The following CSMD1 variants were observed in gnomAD, a reference collection of about 807,000 sequenced individuals.
CSMD1 encodes CUB and sushi domain-containing protein 1.
In CSMD1, 213 loss-of-function variants were observed where a neutral mutation model predicts 417.5. That is an observed-to-expected ratio of 0.51 (90% CI 0.46 to 0.57). CSMD1 has a LOEUF of 0.57. Ranked by LOEUF, CSMD1 falls within the 20% of genes least tolerant of loss-of-function variation. The pLI, the probability that CSMD1 is intolerant of heterozygous loss-of-function variation, is 0.00. For synonymous variants in CSMD1, 2,862 were observed against 1,736.8 expected (o/e 1.65, Z -16.11); for missense variants, 6,923 against 4,529.7 (o/e 1.53, Z -15.17).
chr8:3,466,206 T>G (rs1026179000), intron 12 of CSMD1, among the ~76,000 whole-genome samples: 3 of 141,696 alleles, frequency 2.1e-5, no homozygotes, highest in Non-Finnish European at 4.5e-5. Flanking sequence ...TTACTAGGAC[T>G]TTTTTTTTTA....
At chr8:3,004,923 G>A (rs1972096) in intron 52 of CSMD1, among the ~76,000 whole-genome samples, 52,088 of 152,044 alleles carry the variant, frequency 0.34, 10,851 homozygotes, top group East Asian at 0.67. Context: ...TGGATCACCT[G>A]AGGTCAGGAG....
Position 3,262,194 on chromosome 8 carries a change from T to A in CSMD1, c.4153+21950A>T, listed in dbSNP as rs1225777429. Among the ~76,000 whole-genome samples the A allele has an allele frequency of 5.2e-3, 388 of 74,516 alleles. 16 individuals are homozygous for A. Among genetic ancestry groups the A allele is most frequent in the African/African-American group, 0.014 (287 of 20,630 alleles). 48.9% of individuals were successfully genotyped at this position (74,516 alleles called of 152,430 possible). The stretch of plus-strand genomic sequence containing the variant: ...AATTATGCTCATATGAATATATATA[T>A]ATATATATATATATATATATATATA... On this transcript the variant is annotated intron_variant, in intron 26 of 69. Transcript: ENST00000635120.
chr8:2,994,119 C>A (rs1201760024), intron 54 of CSMD1, among the ~76,000 whole-genome samples: 7 of 124,220 alleles, frequency 5.6e-5, no homozygotes, highest in African/African-American at 2.5e-4. Context: ...GCACTCCAGC[C>A]TGGGCAACAG....
chr8:4,977,580 G>A (rs987573110), intron 1 of CSMD1, among the ~76,000 whole-genome samples: 2 of 152,180 alleles, frequency 1.3e-5, no homozygotes, highest in African/African-American at 2.4e-5. Flanking sequence ...CCGCCTTTGG[G>A]TGGATCTCAC....
At chr8:4,906,321 T>G (rs1805272257) in intron 1 of CSMD1, among the ~76,000 whole-genome samples, 1 of 152,222 alleles carries the variant, frequency 6.6e-6, no homozygotes, top group Non-Finnish European at 1.5e-5. Flanking sequence ...TATGCTTTAT[T>G]AAGTATTATT....
intron 31 of CSMD1, 80 bp downstream of exon 31, chr8:3,205,424 A>C: frequency 1.4e-6 from 1 of 735,010 alleles, no homozygotes; most frequent in Non-Finnish European, 2.3e-6. Context: ...AAGCTCTAGC[A>C]TACTTGTTTA....
intron 1 of CSMD1, among the ~76,000 whole-genome samples, chr8:4,697,469 G>T (rs969000405): frequency 6.6e-6 from 1 of 152,064 alleles, no homozygotes; most frequent in Admixed American, 6.5e-5. Flanking sequence ...AAAAAATTTG[G>T]CAGCTATTAG....
At chr8:3,649,410 A>G (rs1375899187) in intron 7 of CSMD1, among the ~76,000 whole-genome samples, 2 of 152,232 alleles carry the variant, frequency 1.3e-5, no homozygotes, top group Non-Finnish European at 2.9e-5. Context: ...TCACACTGCT[A>G]TAAATAACTG....
chr8:4,280,694 C>G (rs1421678337), intron 3 of CSMD1, among the ~76,000 whole-genome samples: 2 of 152,144 alleles, frequency 1.3e-5, no homozygotes, highest in African/African-American at 4.8e-5. Context: ...TAGATGAGCA[C>G]AGCTCTATAG....
At chr8:4,566,779 A>G (rs1798633950) in intron 2 of CSMD1, among the ~76,000 whole-genome samples, 1 of 152,176 alleles carries the variant, frequency 6.6e-6, no homozygotes, top group Admixed American at 6.5e-5. Context: ...ATTTTAATGA[A>G]TAAAATCGTA....
At chr8:3,180,002 T>A (rs764976571) in intron 37 of CSMD1, among the ~76,000 whole-genome samples, 5 of 152,162 alleles carry the variant, frequency 3.3e-5, no homozygotes, top group Non-Finnish European at 7.3e-5. Context: ...TATGCATGCA[T>A]TTACATCGTA....
At chr8:4,268,263 T>C (rs985291213) in intron 3 of CSMD1, among the ~76,000 whole-genome samples, 2 of 152,148 alleles carry the variant, frequency 1.3e-5, no homozygotes, top group African/African-American at 2.4e-5. Flanking sequence ...CAAATACTAA[T>C]TGAGTTTCTA....
At chr8:3,757,879 A>T (rs983957103) in intron 5 of CSMD1, among the ~76,000 whole-genome samples, 3 of 152,070 alleles carry the variant, frequency 2.0e-5, no homozygotes, top group African/African-American at 7.2e-5. Flanking sequence ...AAAAAAAACC[A>T]ACAACAAAAA....
chr8:3,596,585 C>G (rs953910348), intron 8 of CSMD1, among the ~76,000 whole-genome samples: 1 of 151,876 alleles, frequency 6.6e-6, no homozygotes, highest in Non-Finnish European at 1.5e-5. Context: ...AGAGACTGTT[C>G]GGCAAATATT....
At chr8:3,569,844 T>C (rs913170846) in intron 10 of CSMD1, among the ~76,000 whole-genome samples, 3 of 152,096 alleles carry the variant, frequency 2.0e-5, no homozygotes, top group African/African-American at 4.8e-5. Context: ...AGAGTATTGG[T>C]TGTGCGGGTA....
At chr8:4,522,332 A>G (rs1803504452) in intron 2 of CSMD1, among the ~76,000 whole-genome samples, 1 of 152,268 alleles carries the variant, frequency 6.6e-6, no homozygotes, top group South Asian at 2.1e-4. Flanking sequence ...TGTGAGTCTA[A>G]TCAAGCCTCT....
rs538214955 is a variant in CSMD1 at position 3,381,882 on chromosome 8, T to G, written c.2782+5612A>C. 2.2e-4 allele frequency among the ~76,000 whole-genome samples: 34 copies of G among 152,330 alleles called. No individual in the cohort carries two copies. In the South Asian group the frequency reaches 3.7e-3, roughly 17 times the overall value. Reference sequence around the variant, plus strand: ...GTCAATTTCTATGCAATTCTGTGTGTACCTGCAATTACATATATCTATACA... The same window carrying G: ...GTCAATTTCTATGCAATTCTGTGTGGACCTGCAATTACATATATCTATACA... On this transcript the variant is annotated intron_variant, in intron 18 of 69. Transcript: ENST00000635120.
chr8:4,065,629 G>T (rs1799205840), intron 3 of CSMD1, among the ~76,000 whole-genome samples: 1 of 152,252 alleles, frequency 6.6e-6, no homozygotes, highest in South Asian at 2.1e-4. Context: ...TGAAGCTCAT[G>T]CACCAAGGCC....
In CSMD1 at chr8:4,321,199, T is replaced by A. The variant is rs558868449; in HGVS notation, c.415+98754A>T. 3.3e-5 allele frequency among the ~76,000 whole-genome samples: 5 copies of A among 152,274 alleles called. No homozygotes were observed. In the East Asian group the frequency reaches 7.7e-4, roughly 24 times the overall value. On this transcript the variant is annotated intron_variant, in intron 3 of 69. Transcript: ENST00000635120. The stretch of plus-strand genomic sequence containing the variant: ...TGATCAAAGTGTAGGGTTCAACATG[T>A]GTGTCCAGTGCATGAACACGTTCAT...
Sources: gnomAD v4.1 joint callset for allele counts (sites outside exome capture counted in the v4.1 genomes callset) on GRCh38, gnomAD v4.1.1 for gene constraint, MANE v1.5 for transcripts, NCBI Gene and HGNC (gene_info 2026-07-23, HGNC 2026-07-21) for gene names.